Variants in CMIP observed in about 807,000 individuals in gnomAD.
CMIP encodes C-Maf-inducing protein.
A neutral mutation model predicts 97.3 loss-of-function variants in CMIP; 13 were observed. The observed-to-expected ratio is 0.13, with a 90% CI of 0.09 to 0.21. The LOEUF is 0.21. CMIP is among the 10% of genes least tolerant of loss of function. The pLI, the probability that CMIP is intolerant of heterozygous loss-of-function variation, is 1.00. For synonymous variants in CMIP, 538 were observed against 436.3 expected (o/e 1.23, Z -2.91); for missense variants, 847 against 1,024.9 (o/e 0.83, Z 2.37).
intron 11 of CMIP, 63 bp downstream of exon 11, chr16:81,691,903 A>C (rs995809306): frequency 1.4e-6 from 2 of 1,404,448 alleles, no homozygotes; most frequent in African/African-American, 1.4e-5. Context: ...TTGTCCACCA[A>C]GGCCTTAGTG....
At chr16:81,517,071 A>G (rs1401439639) in intron 1 of CMIP, among the ~76,000 whole-genome samples, 1 of 152,182 alleles carries the variant, frequency 6.6e-6, no homozygotes, top group Non-Finnish European at 1.5e-5. Flanking sequence ...CTGAAAAGCC[A>G]GACAGCCTTC....
At chr16:81,601,117 A>C (rs780482535) in intron 1 of CMIP, among the ~76,000 whole-genome samples, 6 of 152,196 alleles carry the variant, frequency 3.9e-5, no homozygotes, top group Non-Finnish European at 5.9e-5. Flanking sequence ...CACATGCCCC[A>C]TGACAAACAG....
At chr16:81,529,742 G>T (rs2090196802) in intron 1 of CMIP, among the ~76,000 whole-genome samples, 1 of 152,164 alleles carries the variant, frequency 6.6e-6, no homozygotes, top group Non-Finnish European at 1.5e-5. Flanking sequence ...GCAATTCCCG[G>T]CTTTAAGATG....
chr16:81,674,984 A>G (rs1904285780), intron 9 of CMIP, among the ~76,000 whole-genome samples: 2 of 152,182 alleles, frequency 1.3e-5, no homozygotes. Flanking sequence ...GAAAGAAAGA[A>G]AGAAAAGGGT....
chr16:81,699,666 G>C lies in CMIP; in HGVS notation c.1639-19G>C, dbSNP rs754976878. On this transcript the variant is annotated intron_variant, in intron 14 of 20. Coordinates refer to ENST00000537098, the MANE Select transcript of CMIP (RefSeq NM_198390.3). ...ACTGGGTGTCTCTGTCCCTTCACCT[G>C]GGCCTTCTTGCCTCACAGGTGCACA... 5.9e-6 allele frequency: 9 copies of C among 1,536,992 alleles called. No individual in the cohort carries two copies. The East Asian group carries it at 6.8e-5, about 12-fold the overall frequency.
At chr16:81,563,871 C>A (rs959873915) in intron 1 of CMIP, among the ~76,000 whole-genome samples, 1 of 152,196 alleles carries the variant, frequency 6.6e-6, no homozygotes, top group Non-Finnish European at 1.5e-5. Context: ...TTGGAAGAGC[C>A]GCCTTCCATT....
At chr16:81,599,323 C>A (rs116533172) in intron 1 of CMIP, among the ~76,000 whole-genome samples, 1 of 152,166 alleles carries the variant, frequency 6.6e-6, no homozygotes, top group Admixed American at 6.5e-5. Context: ...AGGCCCAAAC[C>A]GGCCCTTCTA....
rs79642080 is a variant in CMIP at position 81,645,388 on chromosome 16, CAGCAGCAG to C, written c.478-6798_478-6791del. The C allele has an allele frequency of 5.8e-3, 8,453 of 1,461,596 alleles. 43 individuals are homozygous for C. The highest frequency in any genetic ancestry group is 6.2e-3 in the Non-Finnish European group (6,810 of 1,105,158). The allele number at this position is 1,461,596 out of a possible 1,614,324, so 90.5% of individuals were successfully genotyped here. A position where few individuals can be genotyped will look rare whatever the true frequency, so the allele number is the denominator to read the frequency against. ...CGCGCGCGAGCCCCAGAGGCTGCGG[CAGCAGCAG>C]AGCAGCAGAGCAGCAGCCCCTGCCT... On this transcript the variant is annotated intron_variant, in intron 3 of 20. Coordinates refer to ENST00000537098, the MANE Select transcript of CMIP (RefSeq NM_198390.3).
At chr16:81,513,686 C>A (rs535357612) in intron 1 of CMIP, among the ~76,000 whole-genome samples, 3 of 152,342 alleles carry the variant, frequency 2.0e-5, no homozygotes, top group African/African-American at 7.2e-5. Context: ...TCAGATGGGT[C>A]AATTCCCAGA....
chr16:81,527,633 G>A (rs1567560767), intron 1 of CMIP, among the ~76,000 whole-genome samples: 1 of 152,144 alleles, frequency 6.6e-6, no homozygotes, highest in African/African-American at 2.4e-5. Flanking sequence ...TAACTCTCCT[G>A]ACCACAGTGT....
chr16:81,490,970 A>G (rs1295938034), intron 1 of CMIP, among the ~76,000 whole-genome samples: 1 of 151,938 alleles, frequency 6.6e-6, no homozygotes, highest in East Asian at 1.9e-4. Context: ...GGCTGTGTGG[A>G]GGCTCCAAGG....
intron 1 of CMIP, among the ~76,000 whole-genome samples, chr16:81,499,788 T>TG (rs1413706696): frequency 1.3e-5 from 2 of 152,200 alleles, no homozygotes; most frequent in East Asian, 1.9e-4. Flanking sequence ...GAAACAGTTT[T>TG]GGGGGCGGCA....
intron 1 of CMIP, among the ~76,000 whole-genome samples, chr16:81,449,669 TCC>T (rs11288143): frequency 0.013 from 1,904 of 144,854 alleles, 45 homozygotes; most frequent in African/African-American, 0.04. Flanking sequence ...CACACAGATT[TCC>T]CCCCCCCCCT....
intron 3 of CMIP, among the ~76,000 whole-genome samples, chr16:81,647,898 G>A (rs1036008605): frequency 7.1e-6 from 1 of 139,886 alleles, no homozygotes; most frequent in Non-Finnish European, 1.5e-5. Flanking sequence ...CACCCACAAC[G>A]CCGTAGCCCA....
At chr16:81,474,315 C>T (rs1202035095) in intron 1 of CMIP, among the ~76,000 whole-genome samples, 2 of 152,082 alleles carry the variant, frequency 1.3e-5, no homozygotes, top group Non-Finnish European at 1.5e-5. Context: ...CCTACTGTCT[C>T]CATTCTTCTC....
intron 3 of CMIP, among the ~76,000 whole-genome samples, chr16:81,634,244 C>G (rs1173139778): frequency 1.3e-5 from 2 of 152,232 alleles, no homozygotes; most frequent in Non-Finnish European, 2.9e-5. Context: ...TATTGAGTGC[C>G]TACTGTTTTC....
chr16:81,539,612 C>G (rs527296386), intron 1 of CMIP, among the ~76,000 whole-genome samples: 6 of 152,326 alleles, frequency 3.9e-5, no homozygotes, highest in Middle Eastern at 6.8e-3. Context: ...TACTGCACCT[C>G]GGAGCTCCTT....
chr16:81,649,391 G>A (rs904323286), intron 3 of CMIP, among the ~76,000 whole-genome samples: 5 of 152,260 alleles, frequency 3.3e-5, no homozygotes, highest in Admixed American at 1.3e-4. Context: ...TGGTGCCAGC[G>A]TTGCCCACTG....
At chr16:81,488,907 G>T (rs937216248) in intron 1 of CMIP, among the ~76,000 whole-genome samples, 1 of 152,094 alleles carries the variant, frequency 6.6e-6, no homozygotes, top group African/African-American at 2.4e-5. Flanking sequence ...CCTGTCTCTG[G>T]CAGGCACTGG....
Sources: gnomAD v4.1 joint callset for allele counts (sites outside exome capture counted in the v4.1 genomes callset) on GRCh38, gnomAD v4.1.1 for gene constraint, MANE v1.5 for transcripts, NCBI Gene and HGNC (gene_info 2026-07-23, HGNC 2026-07-21) for gene names.